Variants in PPM1B observed in about 807,000 individuals in gnomAD.
The protein encoded by PPM1B is protein phosphatase 1B.
PPM1B carries 22 observed loss-of-function variants against 43.0 expected under a neutral mutation model. That is an observed-to-expected ratio of 0.51 (90% confidence interval 0.37 to 0.73). The LOEUF (loss-of-function observed/expected upper bound fraction) is 0.73, where lower values mean the gene tolerates loss of function less well. Among genes scored for constraint, PPM1B ranks in the 30% least tolerant of loss-of-function variants. The pLI, the probability that PPM1B is intolerant of heterozygous loss-of-function variation, is 0.00. For missense variants in PPM1B, 632 were observed against 584.2 expected, an observed-to-expected ratio of 1.08 and a Z score of -0.84; for synonymous variants, 217 against 197.9, an observed-to-expected ratio of 1.10 and a Z score of -0.81.
downstream of PPM1B, among the ~76,000 whole-genome samples, chr2:44,238,334 T>A (rs1269519983): frequency 3.3e-5 from 5 of 152,230 alleles, no homozygotes; most frequent in African/African-American, 4.8e-5. Context: ...ATTTAATATT[T>A]GCTATTAAAA....
Position 44,218,096 on chromosome 2 carries a change from C to A in PPM1B, c.1076+18C>A. 1 of 1,560,254 alleles carries A rather than the reference C, an allele frequency of 6.4e-7. No individual in the cohort carries two copies. The highest frequency in any genetic ancestry group is 1.7e-5 in the Admixed American group (1 of 58,924). On this transcript the variant is annotated intron_variant, in intron 4 of 5. Coordinates refer to ENST00000282412, the MANE Select transcript of PPM1B (RefSeq NM_002706.6). ...GCTGGCAAGTAAGTAGAACAAAAAG[C>A]TAATTTTGAGTTCGTTCATAATTAG...
Position 44,230,103 on chromosome 2 carries a change from AAGTC to A in PPM1B, c.1135-306_1135-303del. 5.3e-6 allele frequency: 8 copies of A among 1,497,622 alleles called. No homozygotes were observed. In the South Asian group the frequency reaches 8.1e-5, roughly 15 times the overall value. 92.8% of individuals were successfully genotyped at this position (1,497,622 alleles called of 1,614,324 possible). A position where few individuals can be genotyped will look rare whatever the true frequency, so the allele number is the denominator to read the frequency against. Reference sequence around the variant, plus strand: ...TCATATAGCCAAATATTGTTTAAGTAAGTCAGTTTTAGGAAATGCTTGTGTTGCT... The same window carrying A: ...TCATATAGCCAAATATTGTTTAAGTAAGTTTTAGGAAATGCTTGTGTTGCT... On this transcript the variant is annotated intron_variant, in intron 5 of 5. Coordinates refer to ENST00000282412, the MANE Select transcript of PPM1B (RefSeq NM_002706.6).
chr2:44,240,513 A>C (rs1178494666), intron 5 of PPM1B, among the ~76,000 whole-genome samples: 1 of 144,744 alleles, frequency 6.9e-6, no homozygotes, highest in African/African-American at 2.5e-5. Context: ...TAAAATGTTT[A>C]TATTATGTTC....
intron 5 of PPM1B, among the ~76,000 whole-genome samples, chr2:44,223,490 C>G (rs1266189089): frequency 2.0e-5 from 3 of 151,914 alleles, no homozygotes; most frequent in Non-Finnish European, 4.4e-5. Flanking sequence ...CTTGTCAAAG[C>G]ATTGCTATGG....
chr2:44,201,455 A>G lies in PPM1B; in HGVS notation c.256A>G (p.Arg86Gly), dbSNP rs759631737. ...LEHITTNEDF[R>G]AAGKSGSALE... ...ACACATCACTACTAACGAAGACTTT[A>G]GGGCAGCTGGAAAATCAGGATCTGC... is the stretch of plus-strand genomic sequence containing the variant. The change falls in exon 2 of 6, where the codon AGG (arginine) becomes GGG (glycine). Residue 86 changes from arginine (R) to glycine (G), a missense_variant. By Grantham distance (125) the Arg-to-Gly change is moderately radical. Around this residue, in one of 3 missense-constraint regions of PPM1B, gnomAD observed 200 missense variants for 200.7 expected, o/e 1.00. Coordinates refer to ENST00000282412, the MANE Select transcript of PPM1B (RefSeq NM_002706.6). This position sits in a 1 kb window ranked among gnomAD's most constrained non-coding sequence, Gnocchi z 5.4. 1 of 1,614,206 alleles carries G rather than the reference A, an allele frequency of 6.2e-7. No homozygotes were observed. Among genetic ancestry groups the G allele is most frequent in the South Asian group, 1.1e-5 (1 of 91,088 alleles).
intron 3 of PPM1B, among the ~76,000 whole-genome samples, chr2:44,210,821 C>T (rs1024182421): frequency 1.3e-5 from 2 of 152,084 alleles, no homozygotes; most frequent in Admixed American, 6.6e-5. Context: ...CATGACACTA[C>T]ATAACTGTAG....
chr2:44,196,966 C>T (rs981140075), intron 1 of PPM1B, among the ~76,000 whole-genome samples: 1 of 152,180 alleles, frequency 6.6e-6, no homozygotes, highest in Non-Finnish European at 1.5e-5. Context: ...GCTTGTACTA[C>T]ACTGTACTTG....
rs1369153042 is a variant in PPM1B, at chr2:44,203,494, C to T, written c.846+1449C>T. ...ATTATAAAAAAAAGGTATATACTTA[C>T]TATTGGAAAAAAAATCCAGATGATG... is the stretch of plus-strand genomic sequence containing the variant. On this transcript the variant is annotated intron_variant, in intron 2 of 5. Transcript: ENST00000282412. Among the ~76,000 whole-genome samples the T allele has an allele frequency of 4.6e-5, 7 of 152,034 alleles. No homozygotes were observed. In the East Asian group the frequency reaches 1.2e-3, roughly 25 times the overall value.
chr2:44,192,256 C>T (rs924357382), intron 1 of PPM1B, among the ~76,000 whole-genome samples: 1 of 145,424 alleles, frequency 6.9e-6, no homozygotes, highest in African/African-American at 2.6e-5. Flanking sequence ...TTCGCTCTGT[C>T]GCCCAGGCTG....
chr2:44,205,706 T>G (rs936493106), intron 2 of PPM1B, among the ~76,000 whole-genome samples: 11 of 152,206 alleles, frequency 7.2e-5, no homozygotes, highest in African/African-American at 2.7e-4. Flanking sequence ...AAAGTCGGTA[T>G]TCTTTTAAAT....
intron 1 of PPM1B, among the ~76,000 whole-genome samples, chr2:44,170,687 T>C (rs1275362639): frequency 6.6e-6 from 1 of 152,262 alleles, no homozygotes; most frequent in Non-Finnish European, 1.5e-5. Context: ...TGGCCTACTT[T>C]TAAATGGGGC....
intron 1 of PPM1B, among the ~76,000 whole-genome samples, chr2:44,185,912 T>C (rs1260586391): frequency 6.6e-6 from 1 of 152,190 alleles, no homozygotes; most frequent in Non-Finnish European, 1.5e-5. Flanking sequence ...CTACAGTTCA[T>C]CAGAATTGAT....
At chr2:44,169,703 G>A (rs1206999160) in intron 1 of PPM1B, among the ~76,000 whole-genome samples, 2 of 152,220 alleles carry the variant, frequency 1.3e-5, no homozygotes, top group Non-Finnish European at 2.9e-5. Context: ...ATCAGCTTCT[G>A]CCCTACTCTG....
At chr2:44,208,323 C>G (rs1397942038) in intron 2 of PPM1B, among the ~76,000 whole-genome samples, 4 of 152,184 alleles carry the variant, frequency 2.6e-5, no homozygotes, top group Non-Finnish European at 4.4e-5. Context: ...AATCTGATGT[C>G]TTTTCTTTTA....
chr2:44,211,169 A>G lies in PPM1B; in HGVS notation c.964+1842A>G, dbSNP rs368708634. Among the ~76,000 whole-genome samples the G allele has an allele frequency of 1.7e-3, 257 of 152,264 alleles. 1 individual carries two copies. The highest frequency in any genetic ancestry group is 5.8e-3 in the African/African-American group (242 of 41,566). ...AAAATTAAGAAATTAACGTTGATAC[A>G]ATATTACTTTGTAATCCACAGATCC... On this transcript the variant is annotated intron_variant, in intron 3 of 5. Coordinates refer to ENST00000282412, the MANE Select transcript of PPM1B (RefSeq NM_002706.6).
chr2:44,185,921 A>T lies in PPM1B; in HGVS notation c.-14-15265A>T, dbSNP rs549033595. Among the ~76,000 whole-genome samples, 3 of 152,290 alleles carry T rather than the reference A, an allele frequency of 2.0e-5. No homozygotes were observed. The East Asian group carries it at 5.8e-4, about 29-fold the overall frequency. On this transcript the variant is annotated intron_variant, in intron 1 of 5. Transcript: ENST00000282412. ...CTGATACTACAGTTCATCAGAATTG[A>T]TTTGGAAGAGGGGAGGACTTAAATA...
chr2:44,206,680 G>A (rs1318181939), intron 2 of PPM1B, among the ~76,000 whole-genome samples: 1 of 152,226 alleles, frequency 6.6e-6, no homozygotes, highest in East Asian at 1.9e-4. Context: ...TGTTAATTCC[G>A]TTTATGCATA....
chr2:44,199,520 A>G (rs1558406494), intron 1 of PPM1B, among the ~76,000 whole-genome samples: 1 of 152,092 alleles, frequency 6.6e-6, no homozygotes, highest in Non-Finnish European at 1.5e-5. Context: ...ACAGCCAACA[A>G]TTCTGTTTCA....
At position 44,201,846 on chromosome 2, in the gene PPM1B, C is replaced by T. The variant is rs1668954477; in HGVS notation, c.647C>T (p.Thr216Ile). Reference sequence around the variant, plus strand: ...AAGTGTGTTGATGGCAAGGGCCCAACAGAACAACTTGTTTCTCCAGAGCCT... The same window carrying T: ...AAGTGTGTTGATGGCAAGGGCCCAATAGAACAACTTGTTTCTCCAGAGCCT... ...DYKCVDGKGP[T>I]EQLVSPEPEV... The change falls in exon 2 of 6, where the codon ACA (threonine) becomes ATA (isoleucine). Residue 216 changes from threonine to isoleucine, a missense_variant. Transcript: ENST00000282412. This position sits in a 1 kb window ranked among gnomAD's most constrained non-coding sequence, Gnocchi z 5.4. 3.1e-6 allele frequency: 5 copies of T among 1,614,168 alleles called. No individual in the cohort carries two copies. Among genetic ancestry groups the T allele is most frequent in the East Asian group, 2.2e-5 (1 of 44,888 alleles).
Sources: gnomAD v4.1 joint callset for allele counts (sites outside exome capture counted in the v4.1 genomes callset) on GRCh38, gnomAD v4.1.1 for gene constraint, gnomAD v4.1.1 regional missense constraint, Gnocchi (gnomAD v3.1) non-coding constraint, MANE v1.5 for transcripts, NCBI Gene and HGNC (gene_info 2026-07-23, HGNC 2026-07-21) for gene names.